The following THAP12 variants were observed in gnomAD, a reference collection of about 807,000 sequenced individuals.
The protein encoded by THAP12 is 52 kDa repressor of the inhibitor of the protein kinase.
In THAP12, 20 loss-of-function variants were observed where a neutral mutation model predicts 63.0. That is an observed-to-expected ratio of 0.32 (90% CI 0.22 to 0.46). The LOEUF is 0.46. Among genes scored for constraint, THAP12 ranks in the 20% least tolerant of loss-of-function variants. The pLI, the probability that THAP12 is intolerant of heterozygous loss-of-function variation, is 1.00. For synonymous variants in THAP12, 264 were observed against 328.4 expected (o/e 0.80, Z 2.12); for missense variants, 568 against 908.2 (o/e 0.63, Z 4.81).
At chr11:76,354,446 C>T (rs996964656) in intron 4 of THAP12, among the ~76,000 whole-genome samples, 1 of 152,180 alleles carries the variant, frequency 6.6e-6, no homozygotes, top group Admixed American at 6.5e-5. Flanking sequence ...AATTCTCTTG[C>T]TTTTATTTTT....
chr11:76,355,666 GAA>G lies in THAP12; in HGVS notation c.319-14_319-13del. The G allele has an allele frequency of 1.3e-6, 2 of 1,517,150 alleles. No individual in the cohort carries two copies. The highest frequency in any genetic ancestry group is 8.9e-7 in the Non-Finnish European group (1 of 1,128,836). 94.0% of individuals were successfully genotyped at this position (1,517,150 alleles called of 1,614,324 possible). A position where few individuals can be genotyped will look rare whatever the true frequency, so the allele number is the denominator to read the frequency against. On this transcript the variant is annotated splice_polypyrimidine_tract_variant and intron_variant, in intron 3 of 4. Transcript: ENST00000260045. ...ATTTCATCTTCACTCTAAATGTCAA[GAA>G]AAAAAAAGAAAAAAACAAATCATCT...
At chr11:76,358,496 A>G (rs976717498) in intron 3 of THAP12, 1 of 152,194 alleles carries the variant, frequency 6.6e-6, no homozygotes, top group Admixed American at 6.5e-5. Context: ...AAAGCATGTG[A>G]TAAGTTAAAT....
chr11:76,366,847 A>G (rs1240198395), intron 1 of THAP12, among the ~76,000 whole-genome samples: 1 of 152,096 alleles, frequency 6.6e-6, no homozygotes, highest in Non-Finnish European at 1.5e-5. Flanking sequence ...GTGACTACAC[A>G]ATCTAGTACA....
intron 1 of THAP12, among the ~76,000 whole-genome samples, chr11:76,366,574 G>A (rs1005616553): frequency 4.6e-5 from 7 of 152,026 alleles, no homozygotes; most frequent in African/African-American, 7.2e-5. Context: ...CCAGCTACTC[G>A]GGAGGCTGAG....
rs1946522228 is a variant in THAP12 at position 76,351,006 on chromosome 11, T to C, written c.2144A>G (p.Gln715Arg). 1.2e-6 allele frequency: 2 copies of C among 1,611,922 alleles called. No individual in the cohort carries two copies. Among genetic ancestry groups the C allele is most frequent in the Non-Finnish European group, 1.7e-6 (2 of 1,179,794 alleles). Residue 715 changes from glutamine to arginine, a missense_variant, in exon 5 of 5, where the codon CAA (glutamine) becomes CGA (arginine). By Grantham distance (43) the Gln-to-Arg change is conservative. Transcript: ENST00000260045. ...AAGCAAAGCCAAGTTACTTGACCTTTGGTCTGTCAAAGTGTTCCTCAAATA... is the reference window on the plus strand; with the variant it reads ...AAGCAAAGCCAAGTTACTTGACCTTCGGTCTGTCAAAGTGTTCCTCAAATA... ...KAYLRNTLTD[Q>R]RSSNLALLNI... is the part of the protein sequence containing the mutation.
intron 2 of THAP12, chr11:76,361,365 C>CCTG: frequency 4.5e-6 from 1 of 222,278 alleles, no homozygotes; most frequent in Non-Finnish European, 8.8e-6. Context: ...CTGTACTGTC[C>CCTG]TTCCATGAGC....
chr11:76,380,714 G>C (rs1946750479), intron 1 of THAP12, 34 bp downstream of exon 1: 3 of 1,369,914 alleles, frequency 2.2e-6, no homozygotes, highest in South Asian at 3.2e-5. Flanking sequence ...CGCGAAGGTG[G>C]GCCCGGGCCG....
chr11:76,367,643 G>A (rs1412628157), intron 1 of THAP12, among the ~76,000 whole-genome samples: 7 of 150,428 alleles, frequency 4.7e-5, no homozygotes, highest in Admixed American at 6.6e-5. Context: ...GCTTGGTCTC[G>A]AACTCCAGAT....
At chr11:76,377,603 A>G (rs1352897675) in intron 1 of THAP12, among the ~76,000 whole-genome samples, 1 of 152,222 alleles carries the variant, frequency 6.6e-6, no homozygotes, top group African/African-American at 2.4e-5. Context: ...CATGGCTAAT[A>G]TTTCATTGTA....
intron 2 of THAP12, among the ~76,000 whole-genome samples, chr11:76,362,830 A>G (rs751593133): frequency 6.6e-6 from 1 of 152,250 alleles, no homozygotes; most frequent in Non-Finnish European, 1.5e-5. Context: ...GTATGAATGA[A>G]AAAAATGACA....
At chr11:76,375,350 T>C (rs1565236464) in intron 1 of THAP12, among the ~76,000 whole-genome samples, 2 of 151,252 alleles carry the variant, frequency 1.3e-5, no homozygotes, top group South Asian at 4.2e-4. Flanking sequence ...TGGCAAGCCT[T>C]GGCATTAGGC....
chr11:76,372,268 C>T (rs772342715), intron 1 of THAP12, among the ~76,000 whole-genome samples: 41 of 152,068 alleles, frequency 2.7e-4, no homozygotes, highest in Non-Finnish European at 4.6e-4. Flanking sequence ...TCTGTACACA[C>T]CTTAAACACC....
chr11:76,380,825 G>A lies in THAP12; in HGVS notation c.12C>T (p.Phe4=). The change falls in exon 1 of 5, where the codon TTC becomes TTT. Residue 4 remains phenylalanine, a synonymous_variant. Coordinates refer to ENST00000260045, the MANE Select transcript of THAP12 (RefSeq NM_004705.4). MPN[F]CAAPNCTRKS... The stretch of plus-strand genomic sequence containing the variant: ...TCCGCGTGCAGTTGGGGGCAGCGCA[G>A]AAGTTCGGCATCGTCGCCCGCCCGC... The A allele has an allele frequency of 2.1e-6, 3 of 1,438,938 alleles. No individual in the cohort carries two copies. Among genetic ancestry groups the A allele is most frequent in the Middle Eastern group, 2.5e-4 (1 of 3,950 alleles). The allele number at this position is 1,438,938 out of a possible 1,614,324, so 89.1% of individuals were successfully genotyped here.
intron 1 of THAP12, among the ~76,000 whole-genome samples, chr11:76,375,747 TG>T (rs142075711): frequency 0.086 from 7,384 of 85,470 alleles, 570 homozygotes; most frequent in East Asian, 0.13. Flanking sequence ...GAAGAAAAGG[TG>T]GGGGGGGGGT....
chr11:76,363,807 C>T (rs1946614365), intron 2 of THAP12, among the ~76,000 whole-genome samples: 2 of 152,174 alleles, frequency 1.3e-5, no homozygotes, highest in South Asian at 2.1e-4. Flanking sequence ...GGGGTTTCCC[C>T]GTTGGCCAGG....
intron 1 of THAP12, among the ~76,000 whole-genome samples, chr11:76,378,956 C>G (rs1946730343): frequency 6.6e-6 from 1 of 152,116 alleles, no homozygotes; most frequent in Non-Finnish European, 1.5e-5. Flanking sequence ...ACCCAAACTT[C>G]TAGTATTCCT....
chr11:76,378,435 A>G (rs570671777), intron 1 of THAP12, among the ~76,000 whole-genome samples: 1 of 152,260 alleles, frequency 6.6e-6, no homozygotes, highest in African/African-American at 2.4e-5. Flanking sequence ...AAAACAAAAA[A>G]CAAACAAGAA....
At chr11:76,378,480 T>C (rs1946726506) in intron 1 of THAP12, among the ~76,000 whole-genome samples, 1 of 152,232 alleles carries the variant, frequency 6.6e-6, no homozygotes, top group Non-Finnish European at 1.5e-5. Context: ...AAGATTTATC[T>C]GTATTTTTTT....
chr11:76,354,711 C>G (rs914882499), intron 4 of THAP12, among the ~76,000 whole-genome samples: 2 of 152,196 alleles, frequency 1.3e-5, no homozygotes, highest in Non-Finnish European at 2.9e-5. Context: ...CCATGGAAAT[C>G]AGGTCCCTGT....
Sources: gnomAD v4.1 joint callset for allele counts (sites outside exome capture counted in the v4.1 genomes callset) on GRCh38, gnomAD v4.1.1 for gene constraint, MANE v1.5 for transcripts, NCBI Gene and HGNC (gene_info 2026-07-23, HGNC 2026-07-21) for gene names.